ASIC5: variants seen among roughly 807,000 people sequenced by gnomAD.
ASIC5 encodes the protein acid sensing ion channel subunit family member 5, also known as bile acid-sensitive ion channel.
ASIC5 carries 52 observed loss-of-function variants against 51.2 expected under a neutral mutation model. The ratio of observed to expected loss-of-function variants is 1.02; its 90% CI spans 0.81 to 1.28. ASIC5 has a LOEUF of 1.28. Among genes scored for constraint, ASIC5 ranks in the 50% most tolerant of loss-of-function variants. The pLI is 0.00. For missense variants in ASIC5, 635 were observed against 595.0 expected, an observed-to-expected ratio of 1.07 and a Z score of -0.70; for synonymous variants, 231 against 200.7, an observed-to-expected ratio of 1.15 and a Z score of -1.28.
intron 4 of ASIC5, among the ~76,000 whole-genome samples, chr4:155,851,869 T>C (rs1741389263): frequency 1.3e-5 from 2 of 152,094 alleles, no homozygotes; most frequent in African/African-American, 4.8e-5. Flanking sequence ...TATTGTTCAA[T>C]GCAAAGAGTT....
intron 1 of ASIC5, 72 bp from the exon 2 acceptor site, chr4:155,863,826 AAC>A (rs1741788020): frequency 8.3e-7 from 1 of 1,211,428 alleles, no homozygotes; most frequent in African/African-American, 1.5e-5. Context: ...TCCGTAAAAA[AAC>A]ACAACTCACA....
At chr4:155,864,437 C>T (rs1406204520) in intron 1 of ASIC5, 1 of 152,050 alleles carries the variant, frequency 6.6e-6, no homozygotes, top group African/African-American at 2.4e-5. Flanking sequence ...GAAGGTAACA[C>T]TAAATTTTTT....
At chr4:155,836,076 A>G (rs1430421881) in intron 8 of ASIC5, among the ~76,000 whole-genome samples, 1 of 152,224 alleles carries the variant, frequency 6.6e-6, no homozygotes, top group Non-Finnish European at 1.5e-5. Flanking sequence ...ACGAAGAGTT[A>G]TTTATGAAGC....
intron 5 of ASIC5, among the ~76,000 whole-genome samples, chr4:155,843,003 G>T (rs1741156124): frequency 6.6e-6 from 1 of 152,024 alleles, no homozygotes; most frequent in African/African-American, 2.4e-5. Flanking sequence ...ACTTCCCAAG[G>T]CTCCACCCCT....
intron 3 of ASIC5, among the ~76,000 whole-genome samples, chr4:155,853,598 ACTAGTTATT>A (rs1741444935): frequency 1.0e-4 from 12 of 117,500 alleles, no homozygotes; most frequent in Admixed American, 8.9e-4. Context: ...TATAATATAT[ACTAGTTATT>A]ATATATAATA....
At position 155,838,806 on chromosome 4, in the gene ASIC5, C is replaced by A; in HGVS notation, c.1066+7G>T. On this transcript the variant is annotated splice_region_variant and intron_variant, in intron 7 of 9. Coordinates refer to ENST00000537611, the MANE Select transcript of ASIC5 (RefSeq NM_017419.3). ...ATCCTGAAAATAAAAGTAAATTAAG[C>A]ACTTACCAAGTACAGGAGAAACACA... 1 of 1,550,282 alleles carries A rather than the reference C, an allele frequency of 6.5e-7. No homozygotes were observed. The highest frequency in any genetic ancestry group is 1.1e-5 in the South Asian group (1 of 88,032).
At chr4:155,845,730 T>C (rs1285905375) in intron 4 of ASIC5, among the ~76,000 whole-genome samples, 1 of 152,074 alleles carries the variant, frequency 6.6e-6, no homozygotes, top group East Asian at 1.9e-4. Context: ...TAATTTTATG[T>C]TAGATTTGGC....
chr4:155,860,006 G>A (rs1347885348), intron 2 of ASIC5, among the ~76,000 whole-genome samples: 3 of 152,012 alleles, frequency 2.0e-5, no homozygotes, highest in Non-Finnish European at 4.4e-5. Flanking sequence ...TTTGGCCCTT[G>A]CTTAAGACTG....
chr4:155,852,148 C>T (rs1294569791), intron 4 of ASIC5, 43 bp downstream of exon 4: 1 of 1,609,106 alleles, frequency 6.2e-7, no homozygotes, highest in Non-Finnish European at 8.5e-7. Flanking sequence ...TTTGAAACCC[C>T]CACACATTCT....
rs1466750751 is a variant in ASIC5 at position 155,863,654 on chromosome 4, A to G, written c.141T>C (p.Phe47=). The change falls in exon 2 of 10, where the codon TTT becomes TTC. Residue 47 remains phenylalanine, a synonymous_variant. Transcript: ENST00000537611. The stretch of plus-strand genomic sequence containing the variant: ...TCTGAACAATATTGTGTATCCCATG[A>G]AAGGAAGTGGAGATGGCAAAGTCAT... The part of the protein sequence containing the change: ...FDHDFAISTS[F]HGIHNIVQNR... 6.2e-7 allele frequency: 1 copy of G among 1,613,912 alleles called. No individual in the cohort carries two copies. The highest frequency in any genetic ancestry group is 1.1e-5 in the South Asian group (1 of 91,082).
chr4:155,854,338 A>T (rs758457910), intron 2 of ASIC5, 24 bp from the exon 3 acceptor site: 3 of 1,427,698 alleles, frequency 2.1e-6, no homozygotes, highest in Admixed American at 3.5e-5. Context: ...TGAAGGCAAT[A>T]GTTAGAATAA....
chr4:155,831,880 T>A lies in ASIC5; in HGVS notation c.1271A>T (p.Asp424Val). The change falls in exon 9 of 10, where the codon GAC (aspartate) becomes GTC (valine). Residue 424 changes from aspartate (D) to valine (V), a missense_variant. Coordinates refer to ENST00000537611, the MANE Select transcript of ASIC5 (RefSeq NM_017419.3). ...CTGCTGGGTTATCTTATAGTTTAGG[T>A]CACTATAGTTAATTTCAATTTTTAC... ...NLVKIEINYSDLNYKITQQQK... is the reference protein window; with the variant it reads ...NLVKIEINYSVLNYKITQQQK... 6.2e-7 allele frequency: 1 copy of A among 1,606,160 alleles called. No homozygotes were observed. Among genetic ancestry groups the A allele is most frequent in the Non-Finnish European group, 8.5e-7 (1 of 1,173,470 alleles).
chr4:155,844,314 AAAAC>A (rs1220812060), intron 4 of ASIC5, among the ~76,000 whole-genome samples: 1 of 152,000 alleles, frequency 6.6e-6, no homozygotes, highest in East Asian at 1.9e-4. Flanking sequence ...AAAAAAACAA[AAAAC>A]AAACAAACAA....
At chr4:155,856,628 G>C (rs1741548071) in intron 2 of ASIC5, among the ~76,000 whole-genome samples, 2 of 151,900 alleles carry the variant, frequency 1.3e-5, no homozygotes, top group Admixed American at 1.3e-4. Context: ...TGCATTTCTT[G>C]GTCAAAAGTA....
intron 2 of ASIC5, among the ~76,000 whole-genome samples, chr4:155,861,119 T>C (rs774866155): frequency 1.3e-5 from 2 of 152,130 alleles, no homozygotes; most frequent in South Asian, 2.1e-4. Context: ...ATAAACATAT[T>C]TGAATAATTT....
intron 1 of ASIC5, chr4:155,865,153 A>G (rs1265189507): frequency 6.6e-6 from 1 of 151,890 alleles, no homozygotes; most frequent in African/African-American, 2.4e-5. Flanking sequence ...TATTATTATT[A>G]TTTTACAAAT....
chr4:155,839,555 A>T (rs1741070269), intron 6 of ASIC5, among the ~76,000 whole-genome samples: 1 of 152,126 alleles, frequency 6.6e-6, no homozygotes, highest in Non-Finnish European at 1.5e-5. Flanking sequence ...CCTTAATACA[A>T]TATTTGTCTA....
In ASIC5 at chr4:155,854,300, G is replaced by A. The variant is rs201842678; in HGVS notation, c.362C>T (p.Ala121Val). Residue 121 changes from alanine to valine, a missense_variant, in exon 3 of 10, where the codon GCT becomes GTT. Ala to Val is a moderately conservative substitution (Grantham distance 64). Transcript: ENST00000537611. ...AAAAATAACACCAAATTTGGCTACAGCATCTGTTTGGAACCTATTAGCAGG... is the reference window on the plus strand; with the variant it reads ...AAAAATAACACCAAATTTGGCTACAACATCTGTTTGGAACCTATTAGCAGG... ...FCNLNRFQTD[A>V]VAKFGVIFFL... is the part of the protein sequence containing the mutation. 1.5e-4 allele frequency: 236 copies of A among 1,607,808 alleles called. No individual in the cohort carries two copies. In the East Asian group the frequency reaches 3.4e-3, roughly 23 times the overall value.
intron 6 of ASIC5, 100 bp downstream of exon 6, chr4:155,842,107 C>A (rs1312862088): frequency 8.9e-7 from 1 of 1,118,608 alleles, no homozygotes; most frequent in Non-Finnish European, 1.3e-6. Flanking sequence ...CTTAATATTC[C>A]ATTTGTATTT....
Sources: allele counts gnomAD v4.1 joint callset (sites outside exome capture counted in the v4.1 genomes callset), GRCh38; gene constraint gnomAD v4.1.1; transcripts MANE v1.5; gene names NCBI Gene and HGNC (gene_info 2026-07-23, HGNC 2026-07-21).